FAR2: variants seen among roughly 807,000 people sequenced by gnomAD.
The protein encoded by FAR2 is epididymis secretory protein Li 81.
Under a neutral mutation model 56.0 loss-of-function variants are expected in FAR2, and 19 were observed. The ratio of observed to expected loss-of-function variants is 0.34; its 90% CI spans 0.24 to 0.50. FAR2 has a LOEUF of 0.50. FAR2 is among the 20% of genes least tolerant of loss of function. The probability of loss-of-function intolerance (pLI) is 0.98; values close to 1 mark genes in which losing one functional copy is unlikely to be tolerated. For missense variants in FAR2, 508 were observed against 642.2 expected (o/e 0.79, Z 2.26); for synonymous variants, 219 against 218.8 (o/e 1.00, Z -0.01).
chr12:29,177,467 A>T (rs1461601215), intron 1 of FAR2, among the ~76,000 whole-genome samples: 2 of 152,236 alleles, frequency 1.3e-5, no homozygotes, highest in Non-Finnish European at 2.9e-5. Context: ...TGTCACTGAG[A>T]ACTCTGCCAG....
Position 29,184,542 on chromosome 12 carries a change from C to G in FAR2, c.-39+35135C>G, listed in dbSNP as rs35763553. ...CTCCGCTTCCCAGGTTCAAATGATT[C>G]TCCTGCCTCAACCTCCCGAGTAGCT... On this transcript the variant is annotated intron_variant, in intron 1 of 11. Coordinates refer to ENST00000536681, the MANE Select transcript of FAR2 (RefSeq NM_001271783.2). Among the ~76,000 whole-genome samples, 6 of 142,270 alleles carry G rather than the reference C, an allele frequency of 4.2e-5. No homozygotes were observed. In the East Asian group the frequency reaches 1.4e-3, roughly 32 times the overall value. 93.3% of individuals were successfully genotyped at this position (142,270 alleles called of 152,430 possible).
chr12:29,207,773 C>T (rs897815108), intron 1 of FAR2, among the ~76,000 whole-genome samples: 4 of 152,216 alleles, frequency 2.6e-5, no homozygotes, highest in Admixed American at 2.0e-4. Context: ...TTTCAGCTTA[C>T]AGCTGGCACT....
intron 1 of FAR2, among the ~76,000 whole-genome samples, chr12:29,218,620 A>G (rs879287766): frequency 1.3e-5 from 2 of 152,176 alleles, no homozygotes; most frequent in Non-Finnish European, 2.9e-5. Context: ...GTTTTACAAA[A>G]TTGGTTTTTA....
rs73265768 is a variant in FAR2, at chr12:29,189,616, A to T, written c.-39+40209A>T. Among the ~76,000 whole-genome samples, 331 of 152,334 alleles carry T rather than the reference A, an allele frequency of 2.2e-3. 2 individuals are homozygous for T. Among genetic ancestry groups the T allele is most frequent in the African/African-American group, 7.5e-3 (312 of 41,576 alleles). On this transcript the variant is annotated intron_variant, in intron 1 of 11. Coordinates refer to ENST00000536681, the MANE Select transcript of FAR2 (RefSeq NM_001271783.2). ...AGTTAACATAGCTAAGAAATGCATGATTTGTGTGAACTAACCAATATATAT... is the reference window on the plus strand; with the variant it reads ...AGTTAACATAGCTAAGAAATGCATGTTTTGTGTGAACTAACCAATATATAT...
intron 1 of FAR2, among the ~76,000 whole-genome samples, chr12:29,257,564 A>C (rs989314265): frequency 2.0e-5 from 3 of 152,160 alleles, no homozygotes; most frequent in Non-Finnish European, 4.4e-5. Context: ...CTTTGGGTCC[A>C]CACTGCCTTT....
At chr12:29,171,297 T>C (rs1264228596) in intron 1 of FAR2, 1 of 152,514 alleles carries the variant, frequency 6.6e-6, no homozygotes, top group Non-Finnish European at 1.5e-5. Context: ...TCTGGGGCAG[T>C]GTGCTGTCCA....
chr12:29,333,675 A>AGG lies in FAR2; in HGVS notation c.1429_1430insGG (p.Ile477ArgfsTer22). 9 of 1,613,866 alleles carry AGG rather than the reference A, an allele frequency of 5.6e-6. No homozygotes were observed. The highest frequency in any genetic ancestry group is 7.6e-6 in the Non-Finnish European group (9 of 1,179,786). ...CCTCTTTAATACTGCCCTCTTCCTTATCGCCTGGCGCCTTCTCATTGCAAG... is the reference window on the plus strand; with the variant it reads ...CCTCTTTAATACTGCCCTCTTCCTTAGGTCGCCTGGCGCCTTCTCATTGCAAG... On this transcript the variant is annotated frameshift_variant, in exon 12 of 12. Coordinates refer to ENST00000536681, the MANE Select transcript of FAR2 (RefSeq NM_001271783.2). LOFTEE classifies it high-confidence loss of function.
At chr12:29,219,006 A>G (rs997580801) in intron 1 of FAR2, among the ~76,000 whole-genome samples, 7 of 152,104 alleles carry the variant, frequency 4.6e-5, no homozygotes, top group African/African-American at 1.4e-4. Context: ...CCCTTTCCTC[A>G]GCGTCTTGAG....
Position 29,252,960 on chromosome 12 carries a change from T to C in FAR2, c.-38-17452T>C, listed in dbSNP as rs114658676. Among the ~76,000 whole-genome samples the C allele has an allele frequency of 4.6e-3, 698 of 152,274 alleles. 6 individuals carry two copies. The highest frequency in any genetic ancestry group is 0.016 in the African/African-American group (662 of 41,552). On this transcript the variant is annotated intron_variant, in intron 1 of 11. Transcript: ENST00000536681. ...GAGTGAAGCAGGTTACCCTTCATTA[T>C]GTGGGTGGGCCTCATCCAATCTGTT...
At chr12:29,232,825 A>G (rs866060654) in intron 1 of FAR2, among the ~76,000 whole-genome samples, 4 of 151,002 alleles carry the variant, frequency 2.6e-5, no homozygotes, top group Non-Finnish European at 4.4e-5. Flanking sequence ...GCTCGCGCAC[A>G]CACACACACA....
chr12:29,187,652 TC>T (rs1450237855), intron 1 of FAR2, among the ~76,000 whole-genome samples: 1 of 152,214 alleles, frequency 6.6e-6, no homozygotes, highest in African/African-American at 2.4e-5. Context: ...AATGGTCTTT[TC>T]TAGTCTACAT....
intron 4 of FAR2, among the ~76,000 whole-genome samples, chr12:29,300,214 G>T (rs1328437109): frequency 6.6e-6 from 1 of 152,190 alleles, no homozygotes; most frequent in Non-Finnish European, 1.5e-5. Context: ...GAAGTCTTAT[G>T]TATAAAATAT....
intron 2 of FAR2, among the ~76,000 whole-genome samples, chr12:29,281,903 T>C (rs1948791272): frequency 6.6e-6 from 1 of 152,210 alleles, no homozygotes; most frequent in Non-Finnish European, 1.5e-5. Context: ...TGTTATTGGT[T>C]TTAGCAAATC....
chr12:29,258,230 C>T (rs538029898), intron 1 of FAR2, among the ~76,000 whole-genome samples: 1 of 151,528 alleles, frequency 6.6e-6, no homozygotes, highest in East Asian at 1.9e-4. Context: ...TGGCAGGTGC[C>T]TGTAGTCCCA....
chr12:29,196,636 T>G (rs912135589), intron 1 of FAR2, among the ~76,000 whole-genome samples: 1 of 152,132 alleles, frequency 6.6e-6, no homozygotes, highest in Non-Finnish European at 1.5e-5. Flanking sequence ...AAGACCTACA[T>G]GTAAGACATG....
At chr12:29,197,095 T>C (rs1950150173) in intron 1 of FAR2, among the ~76,000 whole-genome samples, 1 of 152,180 alleles carries the variant, frequency 6.6e-6, no homozygotes, top group Non-Finnish European at 1.5e-5. Context: ...TGAAGCAACA[T>C]TTGCATTTGA....
At chr12:29,187,173 C>T (rs1200647090) in intron 1 of FAR2, among the ~76,000 whole-genome samples, 1 of 152,090 alleles carries the variant, frequency 6.6e-6, no homozygotes, top group Non-Finnish European at 1.5e-5. Context: ...TGTATTTCCT[C>T]CAGCTAATAA....
chr12:29,171,989 C>G (rs977859626), intron 1 of FAR2: 3 of 147,890 alleles, frequency 2.0e-5, no homozygotes, highest in African/African-American at 7.7e-5. Context: ...AAGTGAGGAG[C>G]GCCTCTGTCT....
At chr12:29,215,520 A>G (rs1262488832) in intron 1 of FAR2, among the ~76,000 whole-genome samples, 1 of 152,250 alleles carries the variant, frequency 6.6e-6, no homozygotes, top group Non-Finnish European at 1.5e-5. Context: ...TCTGTTAAAT[A>G]AAGAAAAATC....
Sources: gnomAD v4.1 joint callset for allele counts (sites outside exome capture counted in the v4.1 genomes callset) on GRCh38, gnomAD v4.1.1 for gene constraint, MANE v1.5 for transcripts, NCBI Gene and HGNC (gene_info 2026-07-23, HGNC 2026-07-21) for gene names.